The following CNTN5 variants were observed in gnomAD, a reference collection of about 807,000 sequenced individuals.
CNTN5 encodes the protein contactin 5, also known as contactin-5.
A neutral mutation model predicts 129.1 loss-of-function variants in CNTN5; 77 were observed. That is an observed-to-expected ratio of 0.60 (90% CI 0.50 to 0.72). The LOEUF is 0.72. Ranked by LOEUF, CNTN5 falls within the 30% of genes least tolerant of loss-of-function variation. The probability of loss-of-function intolerance (pLI) is 0.00; values close to 1 mark genes in which losing one functional copy is unlikely to be tolerated. For synonymous variants in CNTN5, 509 were observed against 465.6 expected, an observed-to-expected ratio of 1.09 and a Z score of -1.20; for missense variants, 1,478 against 1,328.8, an observed-to-expected ratio of 1.11 and a Z score of -1.75.
chr11:99,040,869 T>C (rs1179517929), intron 1 of CNTN5, among the ~76,000 whole-genome samples: 1 of 152,146 alleles, frequency 6.6e-6, no homozygotes, highest in Non-Finnish European at 1.5e-5. Context: ...AAATCTGAAG[T>C]ATTTAGCATT....
chr11:99,443,408 T>C lies in CNTN5; in HGVS notation c.-70-112737T>C, dbSNP rs79639518. Among the ~76,000 whole-genome samples, 1,084 of 152,332 alleles carry C rather than the reference T, an allele frequency of 7.1e-3. 21 individuals are homozygous for C. Among genetic ancestry groups the C allele is most frequent in the African/African-American group, 0.024 (1,011 of 41,564 alleles). ...GTTTTATTATGTAAATATTTAAATA[T>C]TGATTTTTCAGAAATAGTGGGTAGC... On this transcript the variant is annotated intron_variant, in intron 2 of 24. Transcript: ENST00000524871.
intron 1 of CNTN5, among the ~76,000 whole-genome samples, chr11:99,161,200 C>T (rs1237089686): frequency 6.6e-6 from 1 of 151,954 alleles, no homozygotes; most frequent in Non-Finnish European, 1.5e-5. Context: ...GAGTAGGAAG[C>T]ATGATTATAA....
At chr11:99,309,051 T>C (rs2135963826) in intron 1 of CNTN5, among the ~76,000 whole-genome samples, 1 of 152,254 alleles carries the variant, frequency 6.6e-6, no homozygotes, top group African/African-American at 2.4e-5. Flanking sequence ...CTATAGTTTT[T>C]CTGTTTCTTT....
chr11:99,880,789 G>T (rs1591358056), intron 6 of CNTN5, among the ~76,000 whole-genome samples: 1 of 152,194 alleles, frequency 6.6e-6, no homozygotes, highest in Admixed American at 6.5e-5. Context: ...TAATAGAATT[G>T]TCATCTCTAT....
chr11:99,633,066 G>T (rs775533728), intron 3 of CNTN5, among the ~76,000 whole-genome samples: 1 of 152,082 alleles, frequency 6.6e-6, no homozygotes, highest in East Asian at 1.9e-4. Flanking sequence ...TATGAGTCAG[G>T]TCATGGTGAA....
At chr11:100,218,416 T>A (rs1350575728) in intron 15 of CNTN5, among the ~76,000 whole-genome samples, 1 of 152,192 alleles carries the variant, frequency 6.6e-6, no homozygotes, top group Non-Finnish European at 1.5e-5. Flanking sequence ...GATATTTATC[T>A]CAAAGACCAA....
chr11:99,031,716 A>G (rs1863382294), intron 1 of CNTN5, among the ~76,000 whole-genome samples: 1 of 151,658 alleles, frequency 6.6e-6, no homozygotes, highest in East Asian at 1.9e-4. Context: ...TATTTTTCTT[A>G]TAAGATAATA....
chr11:99,503,251 C>G (rs936409384), intron 2 of CNTN5, among the ~76,000 whole-genome samples: 1 of 152,128 alleles, frequency 6.6e-6, no homozygotes, highest in African/African-American at 2.4e-5. Flanking sequence ...ACACTAATTA[C>G]TAGAATGTGA....
At chr11:100,332,904 C>T (rs950793717) in intron 21 of CNTN5, among the ~76,000 whole-genome samples, 5 of 152,136 alleles carry the variant, frequency 3.3e-5, no homozygotes, top group African/African-American at 4.8e-5. Context: ...TGCCCACTCT[C>T]ACCACTTCTA....
intron 2 of CNTN5, among the ~76,000 whole-genome samples, chr11:99,382,997 C>T (rs142607332): frequency 0.011 from 1,726 of 151,474 alleles, 39 homozygotes; most frequent in African/African-American, 0.04. Flanking sequence ...GCTGGGACTA[C>T]AGCCGTCCAC....
chr11:99,321,166 T>G (rs1865553160), intron 1 of CNTN5, among the ~76,000 whole-genome samples: 1 of 151,624 alleles, frequency 6.6e-6, no homozygotes, highest in Admixed American at 6.6e-5. Context: ...TTGGGACTTG[T>G]CAGCTCCCAT....
chr11:99,034,997 A>T (rs1863634876), intron 1 of CNTN5, among the ~76,000 whole-genome samples: 2 of 150,826 alleles, frequency 1.3e-5, no homozygotes, highest in Non-Finnish European at 3.0e-5. Flanking sequence ...TTCAAAGAAC[A>T]TCTTTATTTC....
intron 13 of CNTN5, among the ~76,000 whole-genome samples, chr11:100,077,651 A>C (rs1007384994): frequency 6.6e-6 from 1 of 151,928 alleles, no homozygotes; most frequent in African/African-American, 2.4e-5. Flanking sequence ...CAAGACTCCT[A>C]TCTCTACAAA....
At chr11:99,064,768 C>A (rs1180067147) in intron 1 of CNTN5, among the ~76,000 whole-genome samples, 4 of 151,944 alleles carry the variant, frequency 2.6e-5, no homozygotes, top group South Asian at 2.1e-4. Context: ...TATGTTGTGT[C>A]AAAATTAGAA....
chr11:99,764,650 A>G (rs756559110), intron 3 of CNTN5, among the ~76,000 whole-genome samples: 1 of 152,182 alleles, frequency 6.6e-6, no homozygotes, highest in Non-Finnish European at 1.5e-5. Flanking sequence ...TCCCGATCTC[A>G]GGTGATCCGC....
chr11:100,328,708 A>G (rs1005920595), intron 21 of CNTN5, among the ~76,000 whole-genome samples: 6 of 152,210 alleles, frequency 3.9e-5, no homozygotes, highest in African/African-American at 1.4e-4. Context: ...TGGGGATTAC[A>G]ATTTGACATG....
chr11:99,363,880 C>T (rs1476501828), intron 2 of CNTN5, among the ~76,000 whole-genome samples: 2 of 152,080 alleles, frequency 1.3e-5, no homozygotes, highest in African/African-American at 4.8e-5. Context: ...GACGCTATCA[C>T]TAGTCCTGTT....
chr11:99,138,310 G>A (rs1008187390), intron 1 of CNTN5, among the ~76,000 whole-genome samples: 7 of 151,750 alleles, frequency 4.6e-5, no homozygotes, highest in South Asian at 2.1e-4. Flanking sequence ...GGTATAAATC[G>A]TCCTATATGG....
At chr11:100,127,151 G>C (rs1011867646) in intron 13 of CNTN5, among the ~76,000 whole-genome samples, 1 of 139,736 alleles carries the variant, frequency 7.2e-6, no homozygotes, top group African/African-American at 2.7e-5. Flanking sequence ...TGCTGCCCGA[G>C]CTGGTCTCAA....
Sources: gnomAD v4.1 joint callset for allele counts (sites outside exome capture counted in the v4.1 genomes callset) on GRCh38, gnomAD v4.1.1 for gene constraint, MANE v1.5 for transcripts, NCBI Gene and HGNC (gene_info 2026-07-23, HGNC 2026-07-21) for gene names.